Variants in OTUD7A observed in about 807,000 individuals in gnomAD.
OTUD7A encodes the protein OTU domain-containing protein 7A.
OTUD7A carries 12 observed loss-of-function variants against 65.7 expected under a neutral mutation model. That is an observed-to-expected ratio of 0.18 (90% CI 0.12 to 0.30). The LOEUF (loss-of-function observed/expected upper bound fraction) is 0.30, where lower values mean the gene tolerates loss of function less well. Among genes scored for constraint, OTUD7A ranks in the 10% least tolerant of loss-of-function variants. The pLI is 1.00. For synonymous variants in OTUD7A, 641 were observed against 586.3 expected, an observed-to-expected ratio of 1.09 and a Z score of -1.35; for missense variants, 1,148 against 1,304.8, an observed-to-expected ratio of 0.88 and a Z score of 1.85.
At chr15:31,762,535 C>T (rs866449625) in intron 1 of OTUD7A, among the ~76,000 whole-genome samples, 6 of 152,360 alleles carry the variant, frequency 3.9e-5, no homozygotes, top group South Asian at 4.1e-4. Context: ...CTGAGCTGTG[C>T]ATGCACGAAT....
chr15:31,567,118 G>A (rs1426811752), intron 4 of OTUD7A, among the ~76,000 whole-genome samples: 2 of 152,220 alleles, frequency 1.3e-5, no homozygotes, highest in Non-Finnish European at 2.9e-5. Context: ...GACAGCAAGT[G>A]AGGGAAAGTT....
intron 3 of OTUD7A, among the ~76,000 whole-genome samples, chr15:31,619,347 T>C (rs1890699659): frequency 6.6e-6 from 1 of 152,216 alleles, no homozygotes; most frequent in Non-Finnish European, 1.5e-5. Flanking sequence ...TGGCATTGAA[T>C]CTATAAATTA....
At chr15:31,753,286 A>T (rs78284910) in intron 1 of OTUD7A, among the ~76,000 whole-genome samples, 1 of 152,032 alleles carries the variant, frequency 6.6e-6, no homozygotes, top group Admixed American at 6.6e-5. Flanking sequence ...AGTGTCACTG[A>T]AGAATTCTAC....
chr15:31,867,903 G>A (rs1433476825), intron 1 of OTUD7A, among the ~76,000 whole-genome samples: 2 of 151,834 alleles, frequency 1.3e-5, no homozygotes, highest in South Asian at 4.2e-4. Flanking sequence ...ATGCGGGAGC[G>A]GAGGGGGAGG....
At chr15:31,517,648 G>A (rs1479622530) in intron 8 of OTUD7A, among the ~76,000 whole-genome samples, 8 of 152,166 alleles carry the variant, frequency 5.3e-5, no homozygotes, top group Admixed American at 5.2e-4. Flanking sequence ...ACCTACATCT[G>A]CTTCTCCAGT....
chr15:31,733,579 T>A (rs74012584), intron 1 of OTUD7A, among the ~76,000 whole-genome samples: 1 of 152,178 alleles, frequency 6.6e-6, no homozygotes, highest in African/African-American at 2.4e-5. Flanking sequence ...ATCCCGAGCA[T>A]GCCCGTGGCT....
chr15:31,556,873 T>C (rs1185600102), intron 5 of OTUD7A: 1 of 152,284 alleles, frequency 6.6e-6, no homozygotes, highest in Non-Finnish European at 1.5e-5. Flanking sequence ...GAATTAGTCA[T>C]ATAGAAGCGT....
chr15:31,633,231 A>C (rs1891234192), intron 3 of OTUD7A, among the ~76,000 whole-genome samples: 1 of 152,176 alleles, frequency 6.6e-6, no homozygotes, highest in Non-Finnish European at 1.5e-5. Flanking sequence ...TGGAAGCTGT[A>C]GACCAGAGCT....
At chr15:31,870,345 C>T (rs1220940547) in intron 1 of OTUD7A, among the ~76,000 whole-genome samples, 162 bp downstream of exon 1, 1 of 146,474 alleles carries the variant, frequency 6.8e-6, no homozygotes, top group Non-Finnish European at 1.5e-5. Context: ...CCCCGCGTCC[C>T]CGCGCCCCGG....
chr15:31,684,189 A>C (rs1241152890), intron 1 of OTUD7A, among the ~76,000 whole-genome samples: 1 of 152,222 alleles, frequency 6.6e-6, no homozygotes, highest in East Asian at 1.9e-4. Context: ...ATGCAATTAC[A>C]GTTGCAGAGA....
At chr15:31,659,291 C>A in intron 1 of OTUD7A, among the ~76,000 whole-genome samples, 1 of 152,090 alleles carries the variant, frequency 6.6e-6, no homozygotes, top group East Asian at 1.9e-4. Context: ...ACTCTTCACT[C>A]TCAGGACAGC....
intron 1 of OTUD7A, among the ~76,000 whole-genome samples, chr15:31,856,234 A>T (rs1897569043): frequency 1.3e-5 from 2 of 152,222 alleles, no homozygotes; most frequent in African/African-American, 4.8e-5. Flanking sequence ...GTATGTTCCT[A>T]TGTGTTTAAT....
In OTUD7A at chr15:31,498,795, T is replaced by C. The variant is rs1001606340; in HGVS notation, c.1171+2895A>G. Reference sequence around the variant, plus strand: ...GTGGAAGCTACCAAGAAAGAATGCATACATTTTATCTAAAAAGTCCTAAGA... The same window carrying C: ...GTGGAAGCTACCAAGAAAGAATGCACACATTTTATCTAAAAAGTCCTAAGA... On this transcript the variant is annotated intron_variant, in intron 10 of 12. Coordinates refer to ENST00000307050, the MANE Select transcript of OTUD7A (RefSeq NM_001382637.1). The surrounding 1 kb of genome is among the most constrained non-coding windows in gnomAD (Gnocchi z 4.2). Among the ~76,000 whole-genome samples the C allele has an allele frequency of 3.9e-5, 6 of 152,192 alleles. No individual in the cohort carries two copies. Among genetic ancestry groups the C allele is most frequent in the Non-Finnish European group, 8.8e-5 (6 of 68,040 alleles).
intron 1 of OTUD7A, chr15:31,767,780 GA>G: frequency 1.4e-6 from 1 of 719,366 alleles, no homozygotes; most frequent in East Asian, 2.6e-5. Context: ...AGTTCTACGA[GA>G]TAAGTTTTGT....
chr15:31,719,139 C>T (rs933525235), intron 1 of OTUD7A, among the ~76,000 whole-genome samples: 4 of 152,074 alleles, frequency 2.6e-5, no homozygotes, highest in Admixed American at 6.5e-5. Flanking sequence ...GGCTGGAGTG[C>T]GGTAGTGCAA....
chr15:31,661,676 T>C (rs1351191925), intron 1 of OTUD7A, among the ~76,000 whole-genome samples: 2 of 152,232 alleles, frequency 1.3e-5, no homozygotes, highest in Non-Finnish European at 2.9e-5. Context: ...CATCTCTCTC[T>C]AAGACTCTTT....
At chr15:31,607,214 G>A (rs1252091717) in intron 3 of OTUD7A, among the ~76,000 whole-genome samples, 3 of 152,206 alleles carry the variant, frequency 2.0e-5, no homozygotes, top group African/African-American at 7.2e-5. Context: ...AGAGGCTGAG[G>A]AGCTGAAGAG....
intron 1 of OTUD7A, among the ~76,000 whole-genome samples, chr15:31,849,697 A>C (rs1038501502): frequency 6.6e-6 from 1 of 152,234 alleles, no homozygotes; most frequent in African/African-American, 2.4e-5. Context: ...GAACTTAAAC[A>C]AATTTACAAG....
chr15:31,732,817 C>T (rs1243732088), intron 1 of OTUD7A, among the ~76,000 whole-genome samples: 1 of 152,232 alleles, frequency 6.6e-6, no homozygotes, highest in East Asian at 1.9e-4. Flanking sequence ...GGCTTCTTCA[C>T]ACAGAATACT....
Sources: gnomAD v4.1 joint callset for allele counts (sites outside exome capture counted in the v4.1 genomes callset) on GRCh38, gnomAD v4.1.1 for gene constraint, Gnocchi (gnomAD v3.1) non-coding constraint, MANE v1.5 for transcripts, NCBI Gene and HGNC (gene_info 2026-07-23, HGNC 2026-07-21) for gene names.